The following NRCAM variants were observed in gnomAD, a reference collection of about 807,000 sequenced individuals.
The protein encoded by NRCAM is NgCAM-related cell adhesion molecule.
In NRCAM, 83 loss-of-function variants were observed where a neutral mutation model predicts 156.5. The observed-to-expected ratio is 0.53, with a 90% CI of 0.44 to 0.64. The LOEUF (loss-of-function observed/expected upper bound fraction) is 0.64. Ranked by LOEUF, NRCAM falls within the 30% of genes least tolerant of loss-of-function variation. NRCAM has a pLI of 0.00. For synonymous variants in NRCAM, 538 were observed against 563.9 expected, an observed-to-expected ratio of 0.95 and a Z score of 0.65; for missense variants, 1,417 against 1,597.3, an observed-to-expected ratio of 0.89 and a Z score of 1.92.
At chr7:108,290,241 T>A (rs1234455431) in intron 3 of NRCAM, among the ~76,000 whole-genome samples, 3 of 152,096 alleles carry the variant, frequency 2.0e-5, no homozygotes, top group Non-Finnish European at 4.4e-5. Flanking sequence ...GCATTACCAG[T>A]AGTCAAATTG....
chr7:108,270,213 C>T (rs1011238197), intron 3 of NRCAM, among the ~76,000 whole-genome samples: 26 of 152,132 alleles, frequency 1.7e-4, no homozygotes, highest in African/African-American at 6.3e-4. Flanking sequence ...AAAAATAATT[C>T]AGTAGGAAAG....
intron 1 of NRCAM, among the ~76,000 whole-genome samples, chr7:108,404,605 C>T (rs1279251281): frequency 6.6e-6 from 1 of 152,128 alleles, no homozygotes; most frequent in Non-Finnish European, 1.5e-5. Flanking sequence ...GGCAAAATGA[C>T]CACATAGCAA....
At chr7:108,377,587 T>A (rs541911481) in intron 2 of NRCAM, among the ~76,000 whole-genome samples, 2 of 152,068 alleles carry the variant, frequency 1.3e-5, no homozygotes, top group Non-Finnish European at 2.9e-5. Flanking sequence ...TGAGACACAA[T>A]AGGCTGGAAA....
rs60225475 is a variant in NRCAM at position 108,181,009 on chromosome 7, A to G, written c.2647-582T>C. The stretch of plus-strand genomic sequence containing the variant: ...TCCACTAAATCAAACTGTATCACTT[A>G]GTTTAAAATACTTTTTTTTGTATTC... On this transcript the variant is annotated intron_variant, in intron 24 of 32. Coordinates refer to ENST00000379028, the MANE Select transcript of NRCAM (RefSeq NM_001037132.4). 6.3e-3 allele frequency among the ~76,000 whole-genome samples: 953 copies of G among 152,338 alleles called. 9 individuals are homozygous for G. The highest frequency in any genetic ancestry group is 0.022 in the African/African-American group (894 of 41,580).
At chr7:108,342,560 A>G (rs570123076) in intron 2 of NRCAM, among the ~76,000 whole-genome samples, 23 of 152,358 alleles carry the variant, frequency 1.5e-4, no homozygotes, top group South Asian at 6.2e-4. Flanking sequence ...CAGGCCCTGA[A>G]GAAGGCCCTA....
chr7:108,220,241 T>G (rs1013448193), intron 11 of NRCAM, among the ~76,000 whole-genome samples: 1 of 150,354 alleles, frequency 6.7e-6, no homozygotes, highest in African/African-American at 2.5e-5. Flanking sequence ...CATGGAAGAG[T>G]AGAATCAATA....
chr7:108,194,408 C>A lies in NRCAM; in HGVS notation c.1484G>T (p.Ser495Ile). Reference sequence around the variant, plus strand: ...AACATAAATATCTTCATGAAGAGCACTTCCTTTAGCTCCTTTAAACCTTCA... The same window carrying A: ...AACATAAATATCTTCATGAAGAGCAATTCCTTTAGCTCCTTTAAACCTTCA... Reference protein sequence around the residue: ...TIEWFKGAKGSALHEDIYVLH... With the variant: ...TIEWFKGAKGIALHEDIYVLH... The change falls in exon 16 of 33, where the codon AGT (serine) becomes ATT (isoleucine). Residue 495 changes from serine to isoleucine, a missense_variant. By Grantham distance (142) the Ser-to-Ile change is moderately radical. This residue lies in a region of NRCAM where 1,238 missense variants were observed against 1,336.4 expected (regional missense o/e 0.93). Transcript: ENST00000379028. 6.2e-7 allele frequency: 1 copy of A among 1,605,420 alleles called. No homozygotes were observed.
Position 108,189,712 on chromosome 7 carries a change from T to C in NRCAM, c.1968A>G (p.Thr656=). 5 of 1,549,868 alleles carry C rather than the reference T, an allele frequency of 3.2e-6. No homozygotes were observed. The highest frequency in any genetic ancestry group is 4.5e-6 in the Non-Finnish European group (5 of 1,123,438). ...GCTGAACACTTTTGTCAAGTTGATCTGTCAGTTCTAAGTCAAAGGGAGGAT... is the reference window on the plus strand; with the variant it reads ...GCTGAACACTTTTGTCAAGTTGATCCGTCAGTTCTAAGTCAAAGGGAGGAT... ...VPNPPFDLEL[T]DQLDKSVQLS... is the part of the protein sequence containing the mutation. The change falls in exon 20 of 33, where the codon ACA becomes ACG. Residue 656 remains threonine, a synonymous_variant. Coordinates refer to ENST00000379028, the MANE Select transcript of NRCAM (RefSeq NM_001037132.4).
intron 1 of NRCAM, among the ~76,000 whole-genome samples, chr7:108,410,504 A>T (rs1794076061): frequency 6.6e-6 from 1 of 152,188 alleles, no homozygotes; most frequent in Non-Finnish European, 1.5e-5. Context: ...GCACTTTCAA[A>T]AACAGTTCTG....
At chr7:108,299,105 CAAA>C (rs1292917918) in intron 3 of NRCAM, among the ~76,000 whole-genome samples, 2 of 16,964 alleles carry the variant, frequency 1.2e-4, no homozygotes, top group Admixed American at 1.0e-3. Context: ...GACTCCATCT[CAAA>C]AAAAAAAAAG....
At chr7:108,441,752 T>C (rs1335044238) in intron 1 of NRCAM, among the ~76,000 whole-genome samples, 1 of 152,238 alleles carries the variant, frequency 6.6e-6, no homozygotes, top group Non-Finnish European at 1.5e-5. Flanking sequence ...TGGAAAACTT[T>C]GACCGTGGGC....
At chr7:108,370,598 G>A (rs2154340834) in intron 2 of NRCAM, among the ~76,000 whole-genome samples, 1 of 152,128 alleles carries the variant, frequency 6.6e-6, no homozygotes, top group South Asian at 2.1e-4. Flanking sequence ...ACGTTTTTCA[G>A]ATAGCCAAAT....
chr7:108,201,385 A>T (rs1462525072), intron 13 of NRCAM, among the ~76,000 whole-genome samples: 3 of 152,076 alleles, frequency 2.0e-5, no homozygotes, highest in Non-Finnish European at 2.9e-5. Context: ...ATCTCTCTGG[A>T]TGGGTGGCAG....
chr7:108,309,303 T>C (rs1487283101), intron 3 of NRCAM, among the ~76,000 whole-genome samples: 1 of 152,222 alleles, frequency 6.6e-6, no homozygotes, highest in Non-Finnish European at 1.5e-5. Flanking sequence ...GATGACTACA[T>C]ATTGAATCAA....
chr7:108,403,633 G>A (rs1199376197), intron 1 of NRCAM, among the ~76,000 whole-genome samples: 1 of 152,146 alleles, frequency 6.6e-6, no homozygotes, highest in African/African-American at 2.4e-5. Context: ...ACTCGTTAGA[G>A]ACTGCAAAAC....
At chr7:108,263,200 T>C (rs2096949870) in intron 3 of NRCAM, among the ~76,000 whole-genome samples, 1 of 152,230 alleles carries the variant, frequency 6.6e-6, no homozygotes, top group Admixed American at 6.5e-5. Context: ...CCAGGAGGAA[T>C]AACCAAATCA....
At chr7:108,448,928 G>A (rs1289408937) in intron 1 of NRCAM, among the ~76,000 whole-genome samples, 1 of 152,148 alleles carries the variant, frequency 6.6e-6, no homozygotes, top group African/African-American at 2.4e-5. Flanking sequence ...ATTTTACAAG[G>A]GAAGCTGGTT....
chr7:108,273,621 C>G (rs1413163884), intron 3 of NRCAM, among the ~76,000 whole-genome samples: 1 of 152,036 alleles, frequency 6.6e-6, no homozygotes, highest in Non-Finnish European at 1.5e-5. Context: ...TGTTTAAGAT[C>G]TTTGTAGATT....
chr7:108,220,906 C>G (rs908539589), intron 11 of NRCAM, among the ~76,000 whole-genome samples: 1 of 152,136 alleles, frequency 6.6e-6, no homozygotes, highest in Non-Finnish European at 1.5e-5. Flanking sequence ...GCAGAGTAAA[C>G]AGACAACCCA....
Sources: allele counts gnomAD v4.1 joint callset (sites outside exome capture counted in the v4.1 genomes callset), GRCh38; gene constraint gnomAD v4.1.1; regional missense constraint gnomAD v4.1.1; transcripts MANE v1.5; gene names NCBI Gene and HGNC (gene_info 2026-07-23, HGNC 2026-07-21).